EDA: variants seen among roughly 807,000 people sequenced by gnomAD.
EDA encodes the protein ectodysplasin A.
Under a neutral mutation model 23.6 loss-of-function variants are expected in EDA, and 2 were observed. The observed-to-expected ratio is 0.08, with a 90% CI of 0.03 to 0.27. The LOEUF is 0.27. Ranked by LOEUF, EDA falls within the 10% of genes least tolerant of loss-of-function variation. The probability of loss-of-function intolerance (pLI) is 1.00; values close to 1 mark genes in which losing one functional copy is unlikely to be tolerated. For missense variants in EDA, 229 were observed against 324.2 expected (o/e 0.71, Z 2.26); for synonymous variants, 131 against 132.0 (o/e 0.99, Z 0.05).
chrX:69,641,617 A>T (rs1301350884), intron 1 of EDA, among the ~76,000 whole-genome samples: 2 of 112,121 alleles, frequency 1.8e-5, no homozygotes, highest in Non-Finnish European at 3.8e-5. Flanking sequence ...CAACATAATA[A>T]AGGCAGAAAA....
intron 1 of EDA, among the ~76,000 whole-genome samples, chrX:69,646,730 C>T (rs1370781250): frequency 8.9e-6 from 1 of 111,786 alleles, no homozygotes; most frequent in African/African-American, 3.2e-5. Context: ...GAGTTTGATC[C>T]TGTCATCTTG....
At chrX:69,829,545 T>C (rs1006613176) in intron 1 of EDA, among the ~76,000 whole-genome samples, 1 of 112,444 alleles carries the variant, frequency 8.9e-6, no homozygotes, top group African/African-American at 3.2e-5. Flanking sequence ...ATGATAAACA[T>C]CACAGATGGT....
chrX:69,860,381 T>A (rs1292679775), intron 1 of EDA, among the ~76,000 whole-genome samples: 2 of 111,928 alleles, frequency 1.8e-5, no homozygotes, highest in African/African-American at 6.5e-5. Context: ...TTCCTTTCCA[T>A]ATTTAGTGCT....
At chrX:69,666,526 C>T (rs1238000792) in intron 1 of EDA, among the ~76,000 whole-genome samples, 1 of 112,290 alleles carries the variant, frequency 8.9e-6, no homozygotes, top group African/African-American at 3.2e-5. Flanking sequence ...TTTTTGAATG[C>T]TTTTTCTGCA....
intron 1 of EDA, among the ~76,000 whole-genome samples, chrX:69,868,928 A>G (rs993178272): frequency 2.7e-5 from 3 of 112,088 alleles, no homozygotes; most frequent in Non-Finnish European, 5.6e-5. Flanking sequence ...ATTCTGCAAG[A>G]TCCATCTGTC....
At chrX:69,724,186 G>T (rs972851339) in intron 1 of EDA, among the ~76,000 whole-genome samples, 1 of 111,384 alleles carries the variant, frequency 9.0e-6, no homozygotes, top group African/African-American at 3.3e-5. Context: ...CTTGTAAAGT[G>T]TTATTGAGTC....
intron 1 of EDA, among the ~76,000 whole-genome samples, chrX:69,764,379 A>T (rs1208953432): frequency 9.5e-6 from 1 of 105,351 alleles, no homozygotes; most frequent in Non-Finnish European, 1.9e-5. Flanking sequence ...AGTAGCTGGG[A>T]TTATAGGTGC....
intron 1 of EDA, among the ~76,000 whole-genome samples, chrX:69,943,000 A>C (rs980807084): frequency 9.0e-6 from 1 of 110,608 alleles, no homozygotes; most frequent in Non-Finnish European, 1.9e-5. Context: ...TGCATTCTTC[A>C]GTATGCCAAT....
At chrX:70,000,107 T>C (rs1352458799) in intron 2 of EDA, among the ~76,000 whole-genome samples, 1 of 112,423 alleles carries the variant, frequency 8.9e-6, no homozygotes, top group Non-Finnish European at 1.9e-5. Flanking sequence ...TATCTTGGCC[T>C]AATAAACAGC....
chrX:69,860,343 G>A (rs1215136539), intron 1 of EDA, among the ~76,000 whole-genome samples: 1 of 111,710 alleles, frequency 9.0e-6, no homozygotes, highest in Non-Finnish European at 1.9e-5. Flanking sequence ...GTACTTCAGT[G>A]TGTTTTTGTA....
intron 1 of EDA, among the ~76,000 whole-genome samples, chrX:69,791,486 A>G (rs1336270530): frequency 8.9e-6 from 1 of 111,758 alleles, no homozygotes; most frequent in Non-Finnish European, 1.9e-5. Context: ...TCCAAAATCT[A>G]TCTTCTTAAT....
At chrX:69,879,685 A>G (rs2017713753) in intron 1 of EDA, among the ~76,000 whole-genome samples, 1 of 112,104 alleles carries the variant, frequency 8.9e-6, no homozygotes, top group African/African-American at 3.2e-5. Flanking sequence ...AACAAGAAAT[A>G]CTGCTGTTTC....
chrX:69,748,941 T>C (rs997371831), intron 1 of EDA, among the ~76,000 whole-genome samples: 1 of 109,510 alleles, frequency 9.1e-6, no homozygotes, highest in African/African-American at 3.3e-5. Flanking sequence ...TACAGGGTCA[T>C]TTTTTTTTAA....
chrX:69,784,488 C>T (rs1489756580), intron 1 of EDA, among the ~76,000 whole-genome samples: 1 of 85,991 alleles, frequency 1.2e-5, no homozygotes, highest in East Asian at 3.7e-4. Context: ...AGGAAGGGAT[C>T]CAGTTTCAGC....
intron 1 of EDA, among the ~76,000 whole-genome samples, chrX:69,788,636 G>A (rs1415625413): frequency 6.2e-5 from 7 of 112,363 alleles, no homozygotes; most frequent in Admixed American, 2.8e-4. Context: ...ACTTGAGGAG[G>A]CAGTCTGCCC....
intron 2 of EDA, among the ~76,000 whole-genome samples, chrX:69,996,071 T>A: frequency 8.9e-6 from 1 of 112,125 alleles, no homozygotes; most frequent in Non-Finnish European, 1.9e-5. Context: ...ATTAGGCAAG[T>A]GGGAATATTG....
intron 6 of EDA, among the ~76,000 whole-genome samples, chrX:70,032,273 A>T (rs1279669281): frequency 1.8e-5 from 2 of 108,151 alleles, no homozygotes; most frequent in Non-Finnish European, 3.8e-5. Flanking sequence ...AGAAAAAAAA[A>T]AAAAAGAAGA....
chrX:69,894,920 T>C (rs753766548), intron 1 of EDA, among the ~76,000 whole-genome samples: 1 of 111,576 alleles, frequency 9.0e-6, no homozygotes, highest in Non-Finnish European at 1.9e-5. Flanking sequence ...CCTGATTGTT[T>C]TGGCCAGGAC....
intron 1 of EDA, among the ~76,000 whole-genome samples, chrX:69,760,424 G>A (rs997463553): frequency 9.0e-6 from 1 of 111,179 alleles, no homozygotes; most frequent in African/African-American, 3.3e-5. Flanking sequence ...TTCCCACAAA[G>A]GGCTCTCTAT....
Sources: allele counts gnomAD v4.1 joint callset (sites outside exome capture counted in the v4.1 genomes callset), GRCh38; gene constraint gnomAD v4.1.1; transcripts MANE v1.5; gene names NCBI Gene and HGNC (gene_info 2026-07-23, HGNC 2026-07-21).